IGSF10: variants seen among roughly 807,000 people sequenced by gnomAD.
IGSF10 encodes the protein immunoglobulin superfamily member 10.
IGSF10 carries 126 observed loss-of-function variants against 128.2 expected under a neutral mutation model. The observed-to-expected ratio is 0.98, with a 90% CI of 0.85 to 1.14. The LOEUF is 1.14. IGSF10 is among the 50% of genes most tolerant of loss of function. The probability of loss-of-function intolerance (pLI) is 0.00; values close to 1 mark genes in which losing one functional copy is unlikely to be tolerated. For synonymous variants in IGSF10, 1,185 were observed against 1,146.2 expected, an observed-to-expected ratio of 1.03 and a Z score of -0.68; for missense variants, 3,295 against 3,149.8, an observed-to-expected ratio of 1.05 and a Z score of -1.10.
At chr3:151,524,185 T>C in the IGSF10 span, among the ~76,000 whole-genome samples, 9 of 152,128 alleles carry the variant, frequency 5.9e-5, no homozygotes, top group East Asian at 1.5e-3. Context: ...TGGGTGAGAA[T>C]GTAAATTAAT....
At chr3:151,567,806 C>A in the IGSF10 span, among the ~76,000 whole-genome samples, 1 of 152,190 alleles carries the variant, frequency 6.6e-6, no homozygotes. Flanking sequence ...CTTGCCCATT[C>A]CTTTCCACAA....
chr3:151,560,709 C>T, the IGSF10 span, among the ~76,000 whole-genome samples: 116 of 151,430 alleles, frequency 7.7e-4, no homozygotes, highest in Non-Finnish European at 1.2e-3. Flanking sequence ...ATAGCCCCCC[C>T]CTCCGTCCCA....
At chr3:151,484,577 T>C in the IGSF10 span, among the ~76,000 whole-genome samples, 1 of 151,982 alleles carries the variant, frequency 6.6e-6, no homozygotes, top group Non-Finnish European at 1.5e-5. Flanking sequence ...CAGGTGCCCC[T>C]CTGGGACAAA....
At chr3:151,436,078 T>G (rs1293353370), downstream of IGSF10, 1 of 152,294 alleles carries the variant, frequency 6.6e-6, no homozygotes, top group Non-Finnish European at 1.5e-5. Context: ...TACATTGCTT[T>G]TTACATGTGG....
chr3:151,588,266 CTGGGT>C, the IGSF10 span, among the ~76,000 whole-genome samples: 1 of 152,138 alleles, frequency 6.6e-6, no homozygotes, highest in Non-Finnish European at 1.5e-5. Flanking sequence ...ACTTCTTCTG[CTGGGT>C]CTCATCATGA....
At chr3:151,606,783 C>T in the IGSF10 span, among the ~76,000 whole-genome samples, 10 of 152,138 alleles carry the variant, frequency 6.6e-5, no homozygotes, top group Non-Finnish European at 1.0e-4. Flanking sequence ...CTAATGCCTC[C>T]TGACTGGAGA....
At chr3:151,477,932 A>G in the IGSF10 span, among the ~76,000 whole-genome samples, 1 of 152,240 alleles carries the variant, frequency 6.6e-6, no homozygotes, top group Non-Finnish European at 1.5e-5. Context: ...CTAGCCATGG[A>G]AATTTAAATT....
At chr3:151,617,567 A>T in the IGSF10 span, among the ~76,000 whole-genome samples, 1 of 152,040 alleles carries the variant, frequency 6.6e-6, no homozygotes, top group South Asian at 2.1e-4. Flanking sequence ...TATCACCCAT[A>T]TCTGATGCAG....
At chr3:151,540,622 A>AT in the IGSF10 span, among the ~76,000 whole-genome samples, 3 of 152,210 alleles carry the variant, frequency 2.0e-5, no homozygotes, top group African/African-American at 7.2e-5. Flanking sequence ...TCTGGTGCAC[A>AT]TATATCTATG....
chr3:151,555,155 G>A, the IGSF10 span, among the ~76,000 whole-genome samples: 1 of 152,110 alleles, frequency 6.6e-6, no homozygotes, highest in Non-Finnish European at 1.5e-5. Flanking sequence ...CCCATTAATA[G>A]TGACAAAACG....
the IGSF10 span, among the ~76,000 whole-genome samples, chr3:151,618,678 C>A: frequency 6.7e-6 from 1 of 149,604 alleles, no homozygotes; most frequent in African/African-American, 2.5e-5. Context: ...TACAGTGAAT[C>A]GAGATCACAC....
At chr3:151,458,820 G>A in intron 2 of IGSF10, 110 bp from the exon 3 acceptor site, 1 of 826,074 alleles carries the variant, frequency 1.2e-6, no homozygotes, top group Non-Finnish European at 1.9e-6. Flanking sequence ...GTCGTAAGTG[G>A]TCAATTCCAT....
At chr3:151,532,760 G>A in the IGSF10 span, among the ~76,000 whole-genome samples, 35 of 152,202 alleles carry the variant, frequency 2.3e-4, no homozygotes, top group East Asian at 5.8e-3. Flanking sequence ...TTTGAAAACC[G>A]GCACAAGGCA....
At chr3:151,571,448 T>C in the IGSF10 span, among the ~76,000 whole-genome samples, 1 of 152,180 alleles carries the variant, frequency 6.6e-6, no homozygotes, top group Admixed American at 6.5e-5. Flanking sequence ...CCCTTGTAAG[T>C]TGGATTCCTA....
downstream of IGSF10, chr3:151,435,541 C>CTTA (rs1256862373): frequency 1.3e-5 from 2 of 152,100 alleles, no homozygotes; most frequent in Non-Finnish European, 2.9e-5. Flanking sequence ...CAGGGGCTAA[C>CTTA]TTATTAGTAA....
the IGSF10 span, among the ~76,000 whole-genome samples, chr3:151,582,885 T>G: frequency 2.0e-5 from 3 of 152,214 alleles, no homozygotes; most frequent in Non-Finnish European, 4.4e-5. Flanking sequence ...CTAAATATTC[T>G]TTATCAGTTT....
At chr3:151,452,594 G>A (rs1204045987) in intron 5 of IGSF10, among the ~76,000 whole-genome samples, 2 of 152,056 alleles carry the variant, frequency 1.3e-5, no homozygotes, top group Non-Finnish European at 2.9e-5. Context: ...GATTATGTGT[G>A]TGCGCATATG....
rs1721375547 is a variant in IGSF10, at chr3:151,448,975, T to C, written c.1006A>G (p.Lys336Glu). 1 of 1,614,256 alleles carries C rather than the reference T, an allele frequency of 6.2e-7. No individual in the cohort carries two copies. Among genetic ancestry groups the C allele is most frequent in the Non-Finnish European group, 8.5e-7 (1 of 1,180,040 alleles). The stretch of plus-strand genomic sequence containing the variant: ...GCAATGGGTGATGTCCTTGAGGGCT[T>C]TTGAATACTGCAGACCATGTTAGCT... The part of the protein sequence containing the change: ...NEANMVCSIQ[K>E]PSRTSPIAFT... Residue 336 changes from lysine to glutamate, a missense_variant, in exon 6 of 8, where the codon AAG becomes GAG. Transcript: ENST00000282466.
the IGSF10 span, among the ~76,000 whole-genome samples, chr3:151,571,053 G>C: frequency 6.6e-6 from 1 of 152,172 alleles, no homozygotes; most frequent in Non-Finnish European, 1.5e-5. Context: ...GTAGATGTGT[G>C]GTGTTATTTC....
Sources: gnomAD v4.1 joint callset for allele counts (sites outside exome capture counted in the v4.1 genomes callset) on GRCh38, gnomAD v4.1.1 for gene constraint, MANE v1.5 for transcripts, NCBI Gene and HGNC (gene_info 2026-07-23, HGNC 2026-07-21) for gene names.